The following EYS variants were observed in gnomAD, a reference collection of about 807,000 sequenced individuals.
The protein encoded by EYS is protein eyes shut homolog.
EYS carries 250 observed loss-of-function variants against 282.1 expected under a neutral mutation model. That is an observed-to-expected ratio of 0.89 (90% confidence interval 0.80 to 0.98). The LOEUF is 0.98. Ranked by LOEUF, EYS falls within the 50% of genes least tolerant of loss-of-function variation. The pLI, the probability that EYS is intolerant of heterozygous loss-of-function variation, is 0.00. For missense variants in EYS, 4,016 were observed against 3,709.0 expected (o/e 1.08, Z -2.15); for synonymous variants, 1,355 against 1,282.9 (o/e 1.06, Z -1.20).
At chr6:65,419,136 G>A (rs1767356799) in intron 5 of EYS, among the ~76,000 whole-genome samples, 1 of 151,574 alleles carries the variant, frequency 6.6e-6, no homozygotes, top group Non-Finnish European at 1.5e-5. Context: ...CAGGAGCAGA[G>A]CTATTGGAAG....
At chr6:65,267,276 A>G (rs991914185) in intron 12 of EYS, among the ~76,000 whole-genome samples, 12 of 151,942 alleles carry the variant, frequency 7.9e-5, no homozygotes, top group Middle Eastern at 3.4e-3. Context: ...TTCTTTTCAG[A>G]TTTTCTAGAC....
At chr6:64,812,788 G>A (rs1583183931) in intron 22 of EYS, among the ~76,000 whole-genome samples, 1 of 150,988 alleles carries the variant, frequency 6.6e-6, no homozygotes, top group African/African-American at 2.4e-5. Flanking sequence ...TTATTTTAAA[G>A]TTGAACAGAT....
intron 30 of EYS, among the ~76,000 whole-genome samples, chr6:64,269,522 A>T (rs1005190555): frequency 1.3e-5 from 2 of 152,020 alleles, no homozygotes; most frequent in African/African-American, 4.8e-5. Context: ...CTATTTCACA[A>T]ACAAACCAAA....
At chr6:64,871,428 TA>T (rs1766594215) in intron 19 of EYS, among the ~76,000 whole-genome samples, 1 of 151,940 alleles carries the variant, frequency 6.6e-6, no homozygotes, top group South Asian at 2.1e-4. Flanking sequence ...GTATTGGAGT[TA>T]AATGTCTCTA....
chr6:64,279,306 G>A (rs1028452273), intron 30 of EYS, among the ~76,000 whole-genome samples: 1 of 152,170 alleles, frequency 6.6e-6, no homozygotes, highest in African/African-American at 2.4e-5. Context: ...TTCCCAAAGG[G>A]ACAGGTAGCA....
chr6:64,806,397 T>C (rs1764425974), intron 22 of EYS, among the ~76,000 whole-genome samples: 1 of 152,030 alleles, frequency 6.6e-6, no homozygotes, highest in Admixed American at 6.6e-5. Context: ...CTTCTGTCCT[T>C]CCTCAATATG....
chr6:65,594,357 T>G (rs1023713811), intron 2 of EYS, among the ~76,000 whole-genome samples: 2 of 152,054 alleles, frequency 1.3e-5, no homozygotes, highest in Non-Finnish European at 2.9e-5. Flanking sequence ...GCGTTTTTCT[T>G]TTTCATTTTG....
chr6:63,998,775 C>T (rs780791639), intron 34 of EYS, among the ~76,000 whole-genome samples: 1 of 147,898 alleles, frequency 6.8e-6, no homozygotes, highest in Admixed American at 6.8e-5. Context: ...CCAATCTTTC[C>T]CCACTCTGGA....
intron 12 of EYS, among the ~76,000 whole-genome samples, chr6:65,236,341 G>A (rs1766922090): frequency 6.6e-6 from 1 of 152,136 alleles, no homozygotes; most frequent in South Asian, 2.1e-4. Context: ...GTCTGGCACG[G>A]TGGCTCATGC....
At chr6:64,078,829 G>A (rs115441211) in intron 32 of EYS, among the ~76,000 whole-genome samples, 240 of 152,118 alleles carry the variant, frequency 1.6e-3, no homozygotes, top group African/African-American at 5.3e-3. Flanking sequence ...ATTAAAGTAC[G>A]AACTTTAATG....
rs1767702255 is a variant in EYS, at chr6:64,902,564, C to A, written c.2642-64G>T. ...TGTTATAGAGTAAAAAAATCAGAATCAGTGGTAGTCTAAAGAATACACTCA... is the reference window on the plus strand; with the variant it reads ...TGTTATAGAGTAAAAAAATCAGAATAAGTGGTAGTCTAAAGAATACACTCA... On this transcript the variant is annotated intron_variant, in intron 16 of 42. Transcript: ENST00000503581. 7.5e-6 allele frequency: 7 copies of A among 937,252 alleles called. No individual in the cohort carries two copies. The South Asian group carries it at 8.9e-5, about 12-fold the overall frequency. 58.1% of individuals were successfully genotyped at this position (937,252 alleles called of 1,614,324 possible).
chr6:64,420,488 T>G (rs577990082), intron 28 of EYS, among the ~76,000 whole-genome samples: 1 of 151,572 alleles, frequency 6.6e-6, no homozygotes, highest in South Asian at 2.1e-4. Flanking sequence ...TGGGTTTTGG[T>G]TTTCTATTAA....
intron 22 of EYS, among the ~76,000 whole-genome samples, chr6:64,739,602 C>G (rs1017091664): frequency 3.9e-5 from 6 of 152,098 alleles, no homozygotes; most frequent in African/African-American, 1.4e-4. Context: ...CCAGTTGTAC[C>G]TATTGTTCTT....
At chr6:64,575,192 A>T (rs1765841610) in intron 26 of EYS, among the ~76,000 whole-genome samples, 1 of 152,158 alleles carries the variant, frequency 6.6e-6, no homozygotes, top group African/African-American at 2.4e-5. Context: ...TTATACACAG[A>T]ATTTTATCCA....
chr6:64,104,434 C>T (rs1056182943), intron 31 of EYS, among the ~76,000 whole-genome samples: 3 of 152,030 alleles, frequency 2.0e-5, no homozygotes, highest in Admixed American at 2.0e-4. Flanking sequence ...AACTGTTTAG[C>T]AAGGATGGAC....
intron 11 of EYS, among the ~76,000 whole-genome samples, chr6:65,320,862 C>T (rs1769455884): frequency 6.6e-6 from 1 of 152,152 alleles, no homozygotes; most frequent in Non-Finnish European, 1.5e-5. Flanking sequence ...CATGCAGTGA[C>T]TGATGGAGGG....
At chr6:64,212,535 C>A (rs1765810488) in intron 31 of EYS, among the ~76,000 whole-genome samples, 1 of 151,664 alleles carries the variant, frequency 6.6e-6, no homozygotes, top group Non-Finnish European at 1.5e-5. Flanking sequence ...ATCTAGCTCA[C>A]AACCTGCTCG....
intron 18 of EYS, among the ~76,000 whole-genome samples, chr6:64,894,764 A>G (rs765808447): frequency 3.9e-5 from 6 of 152,160 alleles, no homozygotes; most frequent in Non-Finnish European, 8.8e-5. Context: ...GTTGCTGAAT[A>G]CTGGTTCTGA....
intron 35 of EYS, among the ~76,000 whole-genome samples, chr6:63,946,504 ATT>A (rs1480948202): frequency 3.3e-5 from 5 of 152,050 alleles, no homozygotes; most frequent in Non-Finnish European, 7.4e-5. Context: ...TTCACTTTTC[ATT>A]AAGTTCTCTT....
Sources: gnomAD v4.1 joint callset for allele counts (sites outside exome capture counted in the v4.1 genomes callset) on GRCh38, gnomAD v4.1.1 for gene constraint, MANE v1.5 for transcripts, NCBI Gene and HGNC (gene_info 2026-07-23, HGNC 2026-07-21) for gene names.